LRBA: variants seen among roughly 807,000 people sequenced by gnomAD.
The protein encoded by LRBA is lipopolysaccharide-responsive and beige-like anchor protein.
LRBA carries 176 observed loss-of-function variants against 330.0 expected under a neutral mutation model. That is an observed-to-expected ratio of 0.53 (90% CI 0.47 to 0.60). The LOEUF (loss-of-function observed/expected upper bound fraction) is 0.60. LRBA is among the 20% of genes least tolerant of loss of function. The probability of loss-of-function intolerance (pLI) is 0.00; values close to 1 mark genes in which losing one functional copy is unlikely to be tolerated. For synonymous variants in LRBA, 1,230 were observed against 1,193.0 expected, an observed-to-expected ratio of 1.03 and a Z score of -0.64; for missense variants, 3,259 against 3,444.8, an observed-to-expected ratio of 0.95 and a Z score of 1.35.
chr4:150,974,394 T>C (rs1282973116), intron 2 of LRBA, among the ~76,000 whole-genome samples: 1 of 152,106 alleles, frequency 6.6e-6, no homozygotes, highest in Non-Finnish European at 1.5e-5. Context: ...TGGGTGAGAA[T>C]CAGAACACCA....
intron 47 of LRBA, among the ~76,000 whole-genome samples, chr4:150,352,400 A>G (rs1311164343): frequency 6.6e-6 from 1 of 152,234 alleles, no homozygotes; most frequent in African/African-American, 2.4e-5. Flanking sequence ...GATATATCAC[A>G]AATATAAAAT....
At chr4:150,415,258 C>T (rs905054265) in intron 47 of LRBA, among the ~76,000 whole-genome samples, 180 bp downstream of exon 47, 1 of 152,180 alleles carries the variant, frequency 6.6e-6, no homozygotes, top group African/African-American at 2.4e-5. Flanking sequence ...CTTTATATAT[C>T]AATTCAATAA....
At chr4:150,700,290 T>C (rs1784996194) in intron 36 of LRBA, among the ~76,000 whole-genome samples, 2 of 152,182 alleles carry the variant, frequency 1.3e-5, no homozygotes, top group African/African-American at 4.8e-5. Context: ...ATACTGTTTA[T>C]AGCCTAGGAG....
chr4:150,892,146 T>A (rs1729535438), intron 17 of LRBA, among the ~76,000 whole-genome samples: 1 of 152,212 alleles, frequency 6.6e-6, no homozygotes, highest in Admixed American at 6.5e-5. Context: ...TTAAATTAGT[T>A]TCTGTAGCTG....
At chr4:150,319,042 T>C (rs1481665749) in intron 50 of LRBA, among the ~76,000 whole-genome samples, 1 of 152,146 alleles carries the variant, frequency 6.6e-6, no homozygotes, top group Non-Finnish European at 1.5e-5. Context: ...GCAAGCTTTG[T>C]AGTGAGGGAC....
chr4:150,594,401 C>T (rs1023128883), intron 38 of LRBA, among the ~76,000 whole-genome samples: 1 of 151,958 alleles, frequency 6.6e-6, no homozygotes, highest in African/African-American at 2.4e-5. Context: ...ATATTTTTAA[C>T]TTTCATTTGC....
chr4:150,411,935 T>C (rs563605061), intron 47 of LRBA, among the ~76,000 whole-genome samples: 1 of 152,184 alleles, frequency 6.6e-6, no homozygotes, highest in African/African-American at 2.4e-5. Flanking sequence ...TGCTAACCAA[T>C]ACATAAGATA....
chr4:150,421,892 G>GA (rs1035933268), intron 46 of LRBA, among the ~76,000 whole-genome samples: 6 of 151,130 alleles, frequency 4.0e-5, no homozygotes, highest in East Asian at 1.9e-4. Context: ...AAATAAGGGG[G>GA]AAAAAAAATG....
chr4:150,964,411 G>C (rs1483876551), intron 2 of LRBA, among the ~76,000 whole-genome samples: 1 of 149,724 alleles, frequency 6.7e-6, no homozygotes, highest in African/African-American at 2.6e-5. Flanking sequence ...AAGAAGGAGA[G>C]GTCGGATTGT....
At chr4:150,371,302 C>T (rs2151864596) in intron 47 of LRBA, among the ~76,000 whole-genome samples, 1 of 149,276 alleles carries the variant, frequency 6.7e-6, no homozygotes, top group African/African-American at 2.5e-5. Context: ...AAGCGATTCT[C>T]CTGACTCAGC....
intron 2 of LRBA, among the ~76,000 whole-genome samples, chr4:151,011,300 T>G (rs1246866104): frequency 6.6e-6 from 1 of 152,150 alleles, no homozygotes; most frequent in East Asian, 1.9e-4. Context: ...CTTTATTGTT[T>G]AAGTAGCTAA....
intron 38 of LRBA, among the ~76,000 whole-genome samples, chr4:150,595,224 ACT>A (rs66589445): frequency 0.71 from 107,697 of 151,712 alleles, 44,987 homozygotes; most frequent in Non-Finnish European, 0.91. Flanking sequence ...AAGAAAACTG[ACT>A]CTGTAAAAAT....
chr4:150,963,912 C>T lies in LRBA; in HGVS notation c.217-34847G>A, dbSNP rs563498475. Among the ~76,000 whole-genome samples the T allele has an allele frequency of 3.8e-4, 57 of 148,112 alleles. 3 individuals carry two copies. The highest frequency in any genetic ancestry group is 3.4e-3 in the Middle Eastern group (1 of 292). On this transcript the variant is annotated intron_variant, in intron 2 of 56. Coordinates refer to ENST00000651943, the MANE Select transcript of LRBA (RefSeq NM_001364905.1). ...GATGTGGGGAGCGCCTGTGCCCCGC[C>T]GCCCCGTCTGGGATGTGAAGAGTGC...
chr4:150,417,752 A>G (rs1747986544), intron 46 of LRBA, among the ~76,000 whole-genome samples: 1 of 152,198 alleles, frequency 6.6e-6, no homozygotes, highest in African/African-American at 2.4e-5. Flanking sequence ...GCATAATAAA[A>G]TATACCTAAA....
intron 33 of LRBA, among the ~76,000 whole-genome samples, chr4:150,805,248 AAGG>A (rs1742427248): frequency 2.0e-5 from 3 of 146,586 alleles, no homozygotes; most frequent in Non-Finnish European, 4.5e-5. Context: ...AGGAGAAGGA[AAGG>A]AGAAGGAAAC....
chr4:150,456,884 A>G (rs1754146155), intron 44 of LRBA, among the ~76,000 whole-genome samples: 1 of 152,130 alleles, frequency 6.6e-6, no homozygotes, highest in Admixed American at 6.6e-5. Flanking sequence ...ATTCTTCTGC[A>G]TATGAATATC....
At chr4:150,905,737 A>T in intron 13 of LRBA, 101 bp downstream of exon 13, 1 of 1,026,818 alleles carries the variant, frequency 9.7e-7, no homozygotes, top group Non-Finnish European at 1.4e-6. Context: ...AGTCTTGCAT[A>T]ATAGTACATA....
At chr4:150,983,637 T>C (rs1019918108) in intron 2 of LRBA, among the ~76,000 whole-genome samples, 6 of 151,498 alleles carry the variant, frequency 4.0e-5, no homozygotes, top group African/African-American at 1.5e-4. Flanking sequence ...TATTTTTTAG[T>C]AGATAAAGGG....
intron 28 of LRBA, among the ~76,000 whole-genome samples, chr4:150,833,623 T>C (rs1747550452): frequency 6.6e-6 from 1 of 152,226 alleles, no homozygotes; most frequent in African/African-American, 2.4e-5. Context: ...AAATATTTTA[T>C]AGCTTAAAAA....
Sources: gnomAD v4.1 joint callset for allele counts (sites outside exome capture counted in the v4.1 genomes callset) on GRCh38, gnomAD v4.1.1 for gene constraint, MANE v1.5 for transcripts, NCBI Gene and HGNC (gene_info 2026-07-23, HGNC 2026-07-21) for gene names.